Variants in FBXW11 observed in about 807,000 individuals in gnomAD.
FBXW11 encodes the protein F-box and WD repeat domain containing 11, also known as F-box/WD repeat-containing protein 11.
In FBXW11, 19 loss-of-function variants were observed where a neutral mutation model predicts 77.6. The ratio of observed to expected loss-of-function variants is 0.24; its 90% confidence interval spans 0.17 to 0.36. FBXW11 has a LOEUF of 0.36. Ranked by LOEUF, FBXW11 falls within the 10% of genes least tolerant of loss-of-function variation. The pLI is 1.00. For synonymous variants in FBXW11, 235 were observed against 249.4 expected (o/e 0.94, Z 0.54); for missense variants, 334 against 704.2 (o/e 0.47, Z 5.95).
intron 2 of FBXW11, among the ~76,000 whole-genome samples, chr5:171,927,514 T>C (rs1761958372): frequency 6.6e-6 from 1 of 152,202 alleles, no homozygotes; most frequent in African/African-American, 2.4e-5. Flanking sequence ...AATGAAGTTT[T>C]TTTAAAAAGG....
At chr5:171,890,103 A>T (rs1171647645) in intron 7 of FBXW11, among the ~76,000 whole-genome samples, 1 of 152,166 alleles carries the variant, frequency 6.6e-6, no homozygotes, top group African/African-American at 2.4e-5. Context: ...GTAAGCACAT[A>T]AAAAGATGCT....
At chr5:171,865,663 T>C (rs1172893782) in intron 13 of FBXW11, among the ~76,000 whole-genome samples, 1 of 152,246 alleles carries the variant, frequency 6.6e-6, no homozygotes, top group Non-Finnish European at 1.5e-5. Context: ...CTTTCTTCTT[T>C]TGGCTTATCT....
chr5:171,891,418 C>A (rs1161766891), intron 7 of FBXW11, 49 bp downstream of exon 7: 3 of 1,528,766 alleles, frequency 2.0e-6, no homozygotes, highest in South Asian at 1.3e-5. Context: ...TAGTGTCTAA[C>A]ACATAGCCAC....
intron 5 of FBXW11, among the ~76,000 whole-genome samples, chr5:171,899,390 G>A (rs984195070): frequency 1.3e-5 from 2 of 152,084 alleles, no homozygotes; most frequent in Non-Finnish European, 2.9e-5. Context: ...ATCTAACTTA[G>A]TACACATCAA....
intron 1 of FBXW11, among the ~76,000 whole-genome samples, chr5:172,003,579 T>C (rs1013987766): frequency 4.6e-5 from 7 of 152,176 alleles, no homozygotes; most frequent in Non-Finnish European, 1.0e-4. Context: ...TTACCATTAG[T>C]AACTGTAAAT....
chr5:171,960,294 G>A (rs1763838438), intron 1 of FBXW11, among the ~76,000 whole-genome samples: 2 of 152,198 alleles, frequency 1.3e-5, no homozygotes, highest in South Asian at 2.1e-4. Context: ...AGGATTGCTT[G>A]AGCTTGGAAG....
chr5:171,922,050 G>C (rs1761628706), intron 2 of FBXW11, among the ~76,000 whole-genome samples: 1 of 146,934 alleles, frequency 6.8e-6, no homozygotes, highest in African/African-American at 2.5e-5. Flanking sequence ...GTACATAAAG[G>C]GGAAAAGTTG....
intron 7 of FBXW11, among the ~76,000 whole-genome samples, chr5:171,880,419 T>G (rs924141806): frequency 1.3e-5 from 2 of 152,220 alleles, no homozygotes; most frequent in Admixed American, 1.3e-4. Context: ...TGCTGGTTTT[T>G]GCTTGTCCAT....
intron 4 of FBXW11, among the ~76,000 whole-genome samples, chr5:171,902,644 T>G (rs1192705474): frequency 1.3e-5 from 2 of 152,222 alleles, no homozygotes; most frequent in African/African-American, 4.8e-5. Flanking sequence ...TCTGGTGCTA[T>G]CATGCAAGAC....
In FBXW11 at chr5:171,923,989, G is replaced by A. The variant is rs944352420; in HGVS notation, c.148-9584C>T. On this transcript the variant is annotated intron_variant, in intron 2 of 13. Coordinates refer to ENST00000517395, the MANE Select transcript of FBXW11 (RefSeq NM_001378974.1). ...TGCCCAGGCTGGAGTGCTGTGGCAC[G>A]ATCTCAGCTCACTGCAACCTCCGCC... Among the ~76,000 whole-genome samples the A allele has an allele frequency of 1.5e-4, 18 of 121,106 alleles. No homozygotes were observed. In the South Asian group the frequency reaches 1.7e-3, roughly 12 times the overall value. The allele number at this position is 121,106 out of a possible 152,430, so 79.5% of individuals were successfully genotyped here. A position where few individuals can be genotyped will look rare whatever the true frequency, so the allele number is the denominator to read the frequency against.
chr5:171,965,670 C>T (rs1392264556), intron 1 of FBXW11, among the ~76,000 whole-genome samples: 1 of 152,056 alleles, frequency 6.6e-6, no homozygotes, highest in Non-Finnish European at 1.5e-5. Flanking sequence ...CGATTTTTCT[C>T]CAATGACCAC....
chr5:171,906,933 T>C (rs1389018670), intron 4 of FBXW11, among the ~76,000 whole-genome samples: 1 of 152,196 alleles, frequency 6.6e-6, no homozygotes, highest in Non-Finnish European at 1.5e-5. Context: ...GATAAGACAA[T>C]TGAATAAACC....
intron 7 of FBXW11, among the ~76,000 whole-genome samples, chr5:171,878,603 A>AAAGT (rs1758288270): frequency 7.8e-6 from 1 of 128,474 alleles, no homozygotes; most frequent in African/African-American, 3.0e-5. Context: ...AGAGAGAGAG[A>AAAGT]GTGTGTGTGT....
intron 1 of FBXW11, among the ~76,000 whole-genome samples, chr5:171,980,878 G>C (rs974220643): frequency 6.6e-6 from 1 of 152,140 alleles, no homozygotes. Context: ...GGAATTGCCT[G>C]AGTGATAGTA....
chr5:171,912,483 A>G (rs1161294748), intron 3 of FBXW11, among the ~76,000 whole-genome samples: 1 of 152,248 alleles, frequency 6.6e-6, no homozygotes, highest in African/African-American at 2.4e-5. Context: ...TGCTTTAAGC[A>G]TAAGAATGTC....
chr5:171,992,619 TA>T (rs1430055304), intron 1 of FBXW11, among the ~76,000 whole-genome samples: 7 of 152,138 alleles, frequency 4.6e-5, no homozygotes, highest in Non-Finnish European at 7.4e-5. Context: ...GTTCTGACCT[TA>T]GCTGTAGCCC....
chr5:171,965,059 G>C (rs1032378168), intron 1 of FBXW11, among the ~76,000 whole-genome samples: 1 of 152,158 alleles, frequency 6.6e-6, no homozygotes, highest in Admixed American at 6.5e-5. Flanking sequence ...AAATAAGGAT[G>C]AGAAGAATGA....
At chr5:171,872,224 C>CT (rs35534907) in intron 10 of FBXW11, among the ~76,000 whole-genome samples, 1 of 152,124 alleles carries the variant, frequency 6.6e-6, no homozygotes, top group Non-Finnish European at 1.5e-5. Flanking sequence ...AAACAAAAAA[C>CT]TTTTTTTAAT....
chr5:171,974,457 TACAC>T (rs532499276), intron 1 of FBXW11, among the ~76,000 whole-genome samples: 148 of 145,608 alleles, frequency 1.0e-3, no homozygotes, highest in South Asian at 2.2e-3. Flanking sequence ...AAAAAAAAAA[TACAC>T]ACACACACAC....
Sources: allele counts gnomAD v4.1 joint callset (sites outside exome capture counted in the v4.1 genomes callset), GRCh38; gene constraint gnomAD v4.1.1; transcripts MANE v1.5; gene names NCBI Gene and HGNC (gene_info 2026-07-23, HGNC 2026-07-21).